The following MACO1 variants were observed in gnomAD, a reference collection of about 807,000 sequenced individuals.
The protein encoded by MACO1 is macoilin 1.
A neutral mutation model predicts 78.7 loss-of-function variants in MACO1; 14 were observed. That is an observed-to-expected ratio of 0.18 (90% CI 0.12 to 0.28). MACO1 has a LOEUF of 0.28. Among genes scored for constraint, MACO1 ranks in the 10% least tolerant of loss-of-function variants. The pLI is 1.00. For synonymous variants in MACO1, 288 were observed against 291.6 expected (o/e 0.99, Z 0.12); for missense variants, 501 against 799.0 (o/e 0.63, Z 4.50).
At position 25,500,083 on chromosome 1, in the gene MACO1, A is replaced by C. The variant is rs1024237768; in HGVS notation, c.*1617A>C. ...GCAAAAACATGGAAAATTGTCACTG[A>C]CTTTGTTTTGAGGTTTCCCCCATTT... On this transcript the variant is annotated 3_prime_UTR_variant, in exon 11 of 11. Transcript: ENST00000374343. The C allele has an allele frequency of 1.3e-5, 2 of 151,110 alleles. No individual in the cohort carries two copies. The highest frequency in any genetic ancestry group is 4.9e-5 in the African/African-American group (2 of 41,168). The allele number at this position is 151,110 out of a possible 1,614,324, so 9.4% of individuals were successfully genotyped here.
At chr1:25,453,154 TGCCACCACGCCCGGCTA>T (rs2043082913) in intron 3 of MACO1, among the ~76,000 whole-genome samples, 2 of 150,572 alleles carry the variant, frequency 1.3e-5, no homozygotes, top group South Asian at 4.2e-4. Context: ...TACAGGCGCC[TGCCACCACGCCCGGCTA>T]ATGTTTGTAT....
intron 6 of MACO1, among the ~76,000 whole-genome samples, chr1:25,471,115 G>T (rs975589535): frequency 1.3e-5 from 2 of 152,228 alleles, no homozygotes; most frequent in South Asian, 4.1e-4. Context: ...AAAGCAGGTG[G>T]ATCACATAAG....
Position 25,498,696 on chromosome 1 carries a change from C to T in MACO1, c.*230C>T, listed in dbSNP as rs992631751. The T allele has an allele frequency of 1.2e-5, 5 of 426,318 alleles. No homozygotes were observed. The highest frequency in any genetic ancestry group is 7.4e-5 in the South Asian group (1 of 13,586). The allele number at this position is 426,318 out of a possible 1,614,324, so 26.4% of individuals were successfully genotyped here. ...ACAGAACTTTACAGTTTATTTTTCTCGGCCAACACATTAAAACCATTCTTG... is the reference window on the plus strand; with the variant it reads ...ACAGAACTTTACAGTTTATTTTTCTTGGCCAACACATTAAAACCATTCTTG... On this transcript the variant is annotated 3_prime_UTR_variant, in exon 11 of 11. Coordinates refer to ENST00000374343, the MANE Select transcript of MACO1 (RefSeq NM_018202.6).
intron 6 of MACO1, among the ~76,000 whole-genome samples, chr1:25,480,929 A>AAAAAAATAT (rs1553166539): frequency 1.3e-4 from 6 of 47,904 alleles, no homozygotes; most frequent in South Asian, 9.3e-4. Flanking sequence ...AAAAAAAAAA[A>AAAAAAATAT]ATATATATAT....
chr1:25,474,196 C>T (rs957290601), intron 6 of MACO1, among the ~76,000 whole-genome samples: 2 of 152,164 alleles, frequency 1.3e-5, no homozygotes, highest in Non-Finnish European at 2.9e-5. Context: ...TCTTCTGATA[C>T]TTTGGGGAGA....
chr1:25,484,361 G>A, intron 7 of MACO1, 87 bp downstream of exon 7: 4 of 1,376,990 alleles, frequency 2.9e-6, no homozygotes, highest in Non-Finnish European at 3.9e-6. Flanking sequence ...AAGATTTATG[G>A]TGACAGAGAC....
intron 6 of MACO1, among the ~76,000 whole-genome samples, chr1:25,476,984 C>A (rs896719132): frequency 6.6e-5 from 10 of 152,174 alleles, no homozygotes; most frequent in African/African-American, 2.4e-4. Context: ...TTGGAAGAAA[C>A]TTTAGAAATA....
At chr1:25,497,031 T>G (rs2124616295) in intron 10 of MACO1, among the ~76,000 whole-genome samples, 1 of 152,272 alleles carries the variant, frequency 6.6e-6, no homozygotes, top group South Asian at 2.1e-4. Context: ...TGAAGCCCTA[T>G]GTGTTAGTTT....
At chr1:25,444,199 C>T (rs2042995964) in intron 1 of MACO1, among the ~76,000 whole-genome samples, 1 of 150,432 alleles carries the variant, frequency 6.6e-6, no homozygotes, top group African/African-American at 2.4e-5. Context: ...GTGGAGGTTG[C>T]AGTGAGCTGA....
At chr1:25,489,130 A>C in intron 8 of MACO1, 43 bp from the exon 9 acceptor site, 1 of 1,594,838 alleles carries the variant, frequency 6.3e-7, no homozygotes, top group Non-Finnish European at 8.5e-7. Flanking sequence ...CCCAACCTAT[A>C]GTCTTTTAAA....
Position 25,480,590 on chromosome 1 carries a change from C to A in MACO1, c.1155-3526C>A, listed in dbSNP as rs1385607589. On this transcript the variant is annotated intron_variant, in intron 6 of 10. Transcript: ENST00000374343. Reference sequence around the variant, plus strand: ...ATTTTATTTTTGTTGTATTGTGCCACTGTTAGTCTTTGATAAAATTTTTAT... The same window carrying A: ...ATTTTATTTTTGTTGTATTGTGCCAATGTTAGTCTTTGATAAAATTTTTAT... 2.0e-5 allele frequency among the ~76,000 whole-genome samples: 3 copies of A among 151,980 alleles called. No individual in the cohort carries two copies. The East Asian group carries it at 5.8e-4, about 29-fold the overall frequency.
At chr1:25,447,645 A>G (rs886768425) in intron 2 of MACO1, among the ~76,000 whole-genome samples, 5 of 152,180 alleles carry the variant, frequency 3.3e-5, no homozygotes, top group Non-Finnish European at 5.9e-5. Flanking sequence ...ACTGTATCAC[A>G]TGTCATGTAA....
chr1:25,479,790 A>T (rs903386853), intron 6 of MACO1, among the ~76,000 whole-genome samples: 1 of 152,164 alleles, frequency 6.6e-6, no homozygotes, highest in East Asian at 1.9e-4. Flanking sequence ...AGAAAATAGG[A>T]TTGTATAGTA....
intron 9 of MACO1, 141 bp from the exon 10 acceptor site, chr1:25,491,269 G>C (rs2124612659): frequency 1.9e-6 from 2 of 1,078,528 alleles, no homozygotes; most frequent in South Asian, 1.6e-5. Context: ...TTTAGCACTT[G>C]CCTAAACCCA....
Position 25,498,455 on chromosome 1 carries a change from C to T in MACO1, c.1984C>T (p.Leu662=), listed in dbSNP as rs757657035. The T allele has an allele frequency of 1.9e-6, 3 of 1,609,114 alleles. No individual in the cohort carries two copies. Among genetic ancestry groups the T allele is most frequent in the South Asian group, 2.2e-5 (2 of 90,306 alleles). The change falls in exon 11 of 11, where the codon CTG becomes TTG. Residue 662 remains leucine, a synonymous_variant. Transcript: ENST00000374343. ...CCCCAATGCCTCTGTTTACCAGCCC[C>T]TGAAGAAATGAAGGCCAGCTGTGTG... ...LDPNASVYQP[L]KK is the part of the protein sequence containing the mutation.
At chr1:25,479,740 A>G (rs1263275225) in intron 6 of MACO1, among the ~76,000 whole-genome samples, 5 of 152,082 alleles carry the variant, frequency 3.3e-5, no homozygotes, top group South Asian at 2.1e-4. Flanking sequence ...CATGACATAC[A>G]TTTTTCTATT....
chr1:25,439,267 T>C (rs1241116512), intron 1 of MACO1, among the ~76,000 whole-genome samples: 2 of 151,892 alleles, frequency 1.3e-5, no homozygotes, highest in Admixed American at 6.6e-5. Context: ...ATGGTGGCTC[T>C]TGCCTGTCAC....
intron 3 of MACO1, among the ~76,000 whole-genome samples, chr1:25,449,470 T>G (rs900902927): frequency 2.0e-5 from 3 of 152,176 alleles, no homozygotes; most frequent in Admixed American, 1.3e-4. Context: ...TAAGCCAGAA[T>G]TTTCTTCCTT....
chr1:25,438,714 C>G (rs1340027439), intron 1 of MACO1, among the ~76,000 whole-genome samples: 2 of 152,078 alleles, frequency 1.3e-5, no homozygotes, highest in Non-Finnish European at 2.9e-5. Flanking sequence ...ACCAGCCTGG[C>G]CAACGTGGCG....
Sources: gnomAD v4.1 joint callset for allele counts (sites outside exome capture counted in the v4.1 genomes callset) on GRCh38, gnomAD v4.1.1 for gene constraint, MANE v1.5 for transcripts, NCBI Gene and HGNC (gene_info 2026-07-23, HGNC 2026-07-21) for gene names.